PTPRK: variants seen among roughly 807,000 people sequenced by gnomAD.
PTPRK encodes receptor-type tyrosine-protein phosphatase kappa.
Under a neutral mutation model 178.0 loss-of-function variants are expected in PTPRK, and 75 were observed. That is an observed-to-expected ratio of 0.42 (90% CI 0.35 to 0.51). The LOEUF (loss-of-function observed/expected upper bound fraction) is 0.51, where lower values mean the gene tolerates loss of function less well. PTPRK is among the 20% of genes least tolerant of loss of function. PTPRK has a pLI of 0.02. For synonymous variants in PTPRK, 637 were observed against 620.6 expected, an observed-to-expected ratio of 1.03 and a Z score of -0.39; for missense variants, 1,441 against 1,797.8, an observed-to-expected ratio of 0.80 and a Z score of 3.59.
At chr6:128,125,602 CTTTT>C (rs869038931) in intron 7 of PTPRK, among the ~76,000 whole-genome samples, 3 of 68,376 alleles carry the variant, frequency 4.4e-5, no homozygotes, top group Non-Finnish European at 6.1e-5. Context: ...TTGGGCTTTT[CTTTT>C]TTTTTTTTTT....
chr6:128,379,872 T>C (rs2128355231), intron 2 of PTPRK, among the ~76,000 whole-genome samples: 1 of 152,320 alleles, frequency 6.6e-6, no homozygotes, highest in South Asian at 2.1e-4. Flanking sequence ...TCATAATATT[T>C]GCTATCTAAT....
chr6:128,217,647 A>G (rs892453719), intron 6 of PTPRK, among the ~76,000 whole-genome samples: 1 of 152,226 alleles, frequency 6.6e-6, no homozygotes, highest in African/African-American at 2.4e-5. Flanking sequence ...GCCAAGCATT[A>G]TAAAATATGG....
At chr6:128,258,592 TAAAAC>T (rs1417273705) in intron 3 of PTPRK, among the ~76,000 whole-genome samples, 1 of 152,184 alleles carries the variant, frequency 6.6e-6, no homozygotes, top group Non-Finnish European at 1.5e-5. Flanking sequence ...ATGAAAAACA[TAAAAC>T]AAAGTTGATG....
intron 11 of PTPRK, among the ~76,000 whole-genome samples, chr6:128,068,464 G>A (rs1393377549): frequency 6.6e-6 from 1 of 152,158 alleles, no homozygotes; most frequent in Non-Finnish European, 1.5e-5. Flanking sequence ...TGTAGAAACA[G>A]ATGGCATTTG....
chr6:128,210,576 T>C (rs1327005354), intron 6 of PTPRK, among the ~76,000 whole-genome samples: 2 of 152,068 alleles, frequency 1.3e-5, no homozygotes, highest in African/African-American at 4.8e-5. Context: ...GACAGAAGTA[T>C]ACTCGGAAGA....
intron 7 of PTPRK, 56 bp from the exon 8 acceptor site, chr6:128,090,048 G>GA (rs1786654730): frequency 7.2e-7 from 1 of 1,390,428 alleles, no homozygotes; most frequent in Non-Finnish European, 1.0e-6. Context: ...AATAATCCTG[G>GA]AAAAATAAAA....
At chr6:128,283,854 G>T (rs947141999) in intron 3 of PTPRK, among the ~76,000 whole-genome samples, 3 of 151,984 alleles carry the variant, frequency 2.0e-5, no homozygotes, top group African/African-American at 4.8e-5. Context: ...CTTTTGCATT[G>T]TATTTCACTT....
At chr6:128,099,752 T>A (rs763127996) in intron 7 of PTPRK, among the ~76,000 whole-genome samples, 1 of 152,116 alleles carries the variant, frequency 6.6e-6, no homozygotes, top group Non-Finnish European at 1.5e-5. Context: ...GGTTGATGAT[T>A]ATTTGTCCAT....
intron 1 of PTPRK, among the ~76,000 whole-genome samples, chr6:128,465,967 T>C (rs763587163): frequency 3.9e-5 from 6 of 152,070 alleles, no homozygotes; most frequent in Middle Eastern, 3.2e-3. Flanking sequence ...AAATCAAAGA[T>C]AAAATTAATA....
intron 13 of PTPRK, among the ~76,000 whole-genome samples, chr6:128,039,978 A>G (rs962288145): frequency 1.3e-5 from 2 of 152,164 alleles, no homozygotes; most frequent in Non-Finnish European, 2.9e-5. Flanking sequence ...TGTTACCATG[A>G]TGATGTGAAT....
chr6:128,205,240 A>ATGGAT (rs1806709451), intron 6 of PTPRK, among the ~76,000 whole-genome samples: 1 of 152,108 alleles, frequency 6.6e-6, no homozygotes, highest in Non-Finnish European at 1.5e-5. Flanking sequence ...GGAGGGGAAC[A>ATGGAT]ACACACACTG....
intron 3 of PTPRK, among the ~76,000 whole-genome samples, chr6:128,291,189 AG>A: frequency 6.6e-6 from 1 of 152,166 alleles, no homozygotes; most frequent in South Asian, 2.1e-4. Context: ...GCTACAGAAG[AG>A]GTCAGAGGGA....
intron 6 of PTPRK, among the ~76,000 whole-genome samples, chr6:128,195,399 G>A (rs898589653): frequency 1.3e-5 from 2 of 151,924 alleles, no homozygotes; most frequent in African/African-American, 4.8e-5. Flanking sequence ...ATTTTAAAAT[G>A]TAATGACTCA....
chr6:128,237,200 C>G (rs1436028942), intron 5 of PTPRK, among the ~76,000 whole-genome samples: 1 of 152,020 alleles, frequency 6.6e-6, no homozygotes, highest in African/African-American at 2.4e-5. Flanking sequence ...TACTTTAGCC[C>G]ATATTTAGAC....
intron 13 of PTPRK, among the ~76,000 whole-genome samples, chr6:128,016,355 G>C (rs1326033830): frequency 6.6e-6 from 1 of 151,802 alleles, no homozygotes; most frequent in Non-Finnish European, 1.5e-5. Flanking sequence ...AGAAAACTTA[G>C]CAAGGCCTGT....
intron 1 of PTPRK, among the ~76,000 whole-genome samples, chr6:128,449,508 C>G (rs911197565): frequency 6.6e-6 from 1 of 151,870 alleles, no homozygotes; most frequent in South Asian, 2.1e-4. Flanking sequence ...AAACGGAAAC[C>G]TGGATAAAAA....
chr6:128,474,177 A>AAAAC (rs10645749), intron 1 of PTPRK, among the ~76,000 whole-genome samples: 5,405 of 151,150 alleles, frequency 0.036, 142 homozygotes, highest in African/African-American at 0.068. Flanking sequence ...ATGGTAGGGG[A>AAAAC]AAACAAACAA....
chr6:127,990,946 A>T, intron 20 of PTPRK, 61 bp from the exon 21 acceptor site: 2 of 1,004,760 alleles, frequency 2.0e-6, no homozygotes. Context: ...AGCCAAGGTG[A>T]TTTAATTCCA....
intron 2 of PTPRK, among the ~76,000 whole-genome samples, chr6:128,372,596 A>C (rs1836441557): frequency 6.6e-6 from 1 of 152,230 alleles, no homozygotes; most frequent in South Asian, 2.1e-4. Context: ...AATAAGGTCT[A>C]TACCTGTAGT....
Sources: gnomAD v4.1 joint callset for allele counts (sites outside exome capture counted in the v4.1 genomes callset) on GRCh38, gnomAD v4.1.1 for gene constraint, MANE v1.5 for transcripts, NCBI Gene and HGNC (gene_info 2026-07-23, HGNC 2026-07-21) for gene names.